The following POFUT3 variants were observed in gnomAD, a reference collection of about 807,000 sequenced individuals.
POFUT3 encodes the protein GDP-fucose protein O-fucosyltransferase 3.
the POFUT3 span, among the ~76,000 whole-genome samples, chr8:33,472,057 T>C: frequency 1.3e-5 from 2 of 152,330 alleles, no homozygotes; most frequent in South Asian, 4.1e-4. Flanking sequence ...AACCCTGCCC[T>C]AGTTGTAGTG....
chr8:33,345,443 C>T, the POFUT3 span, among the ~76,000 whole-genome samples: 1 of 149,398 alleles, frequency 6.7e-6, no homozygotes, highest in Non-Finnish European at 1.5e-5. Flanking sequence ...CTCTGTCACC[C>T]AGGCTGGAGT....
At chr8:33,317,033 C>A in the POFUT3 span, among the ~76,000 whole-genome samples, 1 of 152,104 alleles carries the variant, frequency 6.6e-6, no homozygotes, top group Admixed American at 6.6e-5. Context: ...GCCTGCTGGG[C>A]CCCACTAGGC....
the POFUT3 span, among the ~76,000 whole-genome samples, chr8:33,437,469 G>T: frequency 6.6e-6 from 1 of 152,048 alleles, no homozygotes; most frequent in Non-Finnish European, 1.5e-5. Context: ...AATGCCTCTG[G>T]ATGTTTTTCT....
the POFUT3 span, among the ~76,000 whole-genome samples, chr8:33,328,353 T>C: frequency 4.6e-5 from 7 of 151,802 alleles, no homozygotes; most frequent in Non-Finnish European, 1.0e-4. Flanking sequence ...CTCCTGCTTT[T>C]TCTGTAAGCC....
chr8:33,410,087 G>T, the POFUT3 span, among the ~76,000 whole-genome samples: 1 of 152,166 alleles, frequency 6.6e-6, no homozygotes, highest in Non-Finnish European at 1.5e-5. Flanking sequence ...GTGTGAAGTG[G>T]CTTTGGGTCA....
the POFUT3 span, among the ~76,000 whole-genome samples, chr8:33,451,446 G>A: frequency 6.6e-6 from 1 of 151,874 alleles, no homozygotes; most frequent in Non-Finnish European, 1.5e-5. Context: ...GTATATATGT[G>A]CATGTGTATA....
chr8:33,444,390 G>A, the POFUT3 span, among the ~76,000 whole-genome samples: 2 of 152,178 alleles, frequency 1.3e-5, no homozygotes, highest in East Asian at 1.9e-4. Flanking sequence ...CAAGGAGGAC[G>A]GTAAGGGATA....
chr8:33,471,060 G>T, the POFUT3 span, among the ~76,000 whole-genome samples: 1 of 151,542 alleles, frequency 6.6e-6, no homozygotes, highest in African/African-American at 2.4e-5. Flanking sequence ...CATTATCAAA[G>T]AAAAAAATCT....
chr8:33,453,349 G>A, the POFUT3 span: 4 of 1,614,052 alleles, frequency 2.5e-6, no homozygotes, highest in African/African-American at 2.7e-5. Flanking sequence ...GCATAATGGG[G>A]TAGCTGTCCA....
the POFUT3 span, among the ~76,000 whole-genome samples, chr8:33,327,419 A>G: frequency 2.0e-5 from 3 of 151,980 alleles, no homozygotes; most frequent in East Asian, 1.9e-4. Context: ...TATCTTCTTC[A>G]TTTGCTATCT....
At chr8:33,461,443 T>C in the POFUT3 span, 1 of 1,613,594 alleles carries the variant, frequency 6.2e-7, no homozygotes, top group East Asian at 2.2e-5. Context: ...CTCCTCTGAA[T>C]CCGCACCATG....
chr8:33,388,544 C>T, the POFUT3 span, among the ~76,000 whole-genome samples: 5 of 151,822 alleles, frequency 3.3e-5, no homozygotes, highest in Admixed American at 6.6e-5. Context: ...GCCATGTTGC[C>T]CAGGCTGGTC....
chr8:33,442,187 G>A, the POFUT3 span, among the ~76,000 whole-genome samples: 11 of 151,842 alleles, frequency 7.2e-5, no homozygotes, highest in Non-Finnish European at 1.5e-4. Flanking sequence ...GGCTTATCTC[G>A]AACTCCTGAC....
chr8:33,356,311 C>T, the POFUT3 span, among the ~76,000 whole-genome samples: 2 of 152,182 alleles, frequency 1.3e-5, no homozygotes, highest in Non-Finnish European at 2.9e-5. Context: ...GTTCCTATTT[C>T]TCCACATCCT....
At chr8:33,354,574 T>G in the POFUT3 span, among the ~76,000 whole-genome samples, 1 of 152,200 alleles carries the variant, frequency 6.6e-6, no homozygotes, top group African/African-American at 2.4e-5. Flanking sequence ...CTGTTTTCAT[T>G]GGCGATCTTT....
the POFUT3 span, among the ~76,000 whole-genome samples, chr8:33,467,272 CAAAAAAAAA>C: frequency 1.4e-5 from 1 of 73,464 alleles, no homozygotes; most frequent in African/African-American, 5.6e-5. Context: ...GACTCTGTCT[CAAAAAAAAA>C]AAAAAAAAAA....
chr8:33,392,109 G>A, the POFUT3 span, among the ~76,000 whole-genome samples: 1 of 152,142 alleles, frequency 6.6e-6, no homozygotes, highest in Non-Finnish European at 1.5e-5. Context: ...TAGCCTTCCA[G>A]AAATATTTCC....
the POFUT3 span, among the ~76,000 whole-genome samples, chr8:33,396,170 A>G: frequency 6.6e-6 from 1 of 152,040 alleles, no homozygotes; most frequent in Admixed American, 6.6e-5. Context: ...CCAACAGTAG[A>G]GCCTCAGAGA....
the POFUT3 span, among the ~76,000 whole-genome samples, chr8:33,410,618 G>T: frequency 2.0e-5 from 3 of 152,104 alleles, no homozygotes; most frequent in African/African-American, 7.2e-5. Flanking sequence ...TAGGCCTTTG[G>T]GTGTGTGCGT....
Sources: allele counts gnomAD v4.1 joint callset (sites outside exome capture counted in the v4.1 genomes callset), GRCh38; gene constraint gnomAD v4.1.1; transcripts MANE v1.5; gene names NCBI Gene and HGNC (gene_info 2026-07-23, HGNC 2026-07-21).